Variants in ZCCHC24 observed in about 807,000 individuals in gnomAD.
ZCCHC24 encodes the protein zinc finger CCHC domain-containing protein 24.
In ZCCHC24, 10 loss-of-function variants were observed where a neutral mutation model predicts 26.2. The ratio of observed to expected loss-of-function variants is 0.38; its 90% CI spans 0.24 to 0.65. The LOEUF is 0.65. Ranked by LOEUF, ZCCHC24 falls within the 30% of genes least tolerant of loss-of-function variation. The pLI is 0.54. For missense variants in ZCCHC24, 243 were observed against 329.1 expected (o/e 0.74, Z 2.03); for synonymous variants, 144 against 147.1 (o/e 0.98, Z 0.15).
At chr10:79,439,792 C>CAAA (rs3997794) in intron 1 of ZCCHC24, among the ~76,000 whole-genome samples, 2,868 of 116,100 alleles carry the variant, frequency 0.025, 145 homozygotes, top group African/African-American at 0.085. Flanking sequence ...CAGACTCCAT[C>CAAA]AAAAAAAAAA....
rs1251450593 is a variant in ZCCHC24 at position 79,382,981 on chromosome 10, C to T, written c.*3364G>A. On this transcript the variant is annotated 3_prime_UTR_variant, in exon 4 of 4. Coordinates refer to ENST00000372336, the MANE Select transcript of ZCCHC24 (RefSeq NM_153367.4). ...AAATAAGCTGCTTCTTCCCCTTGCCCACTCCCTGTCCCTCTACAAAATTAA... is the reference window on the plus strand; with the variant it reads ...AAATAAGCTGCTTCTTCCCCTTGCCTACTCCCTGTCCCTCTACAAAATTAA... The T allele has an allele frequency of 6.6e-6, 1 of 152,596 alleles. No individual in the cohort carries two copies. Among genetic ancestry groups the T allele is most frequent in the South Asian group, 2.1e-4 (1 of 4,832 alleles). 9.5% of individuals were successfully genotyped at this position (152,596 alleles called of 1,614,324 possible).
At chr10:79,437,348 C>T (rs1857229549) in intron 1 of ZCCHC24, among the ~76,000 whole-genome samples, 2 of 152,192 alleles carry the variant, frequency 1.3e-5, no homozygotes, top group South Asian at 2.1e-4. Flanking sequence ...TCACCGTGCT[C>T]GGCCTGTGGT....
chr10:79,407,560 G>A (rs1023172858), intron 2 of ZCCHC24, among the ~76,000 whole-genome samples: 2 of 152,110 alleles, frequency 1.3e-5, no homozygotes, highest in Non-Finnish European at 2.9e-5. Context: ...TCAAATGCCT[G>A]GGCGGTGCAG....
At chr10:79,407,922 G>A (rs1856741221) in intron 2 of ZCCHC24, among the ~76,000 whole-genome samples, 1 of 152,170 alleles carries the variant, frequency 6.6e-6, no homozygotes, top group African/African-American at 2.4e-5. Flanking sequence ...GGGGAGGGCT[G>A]GCCTGGCTCT....
intron 2 of ZCCHC24, among the ~76,000 whole-genome samples, chr10:79,431,498 C>G (rs1005495492): frequency 1.3e-5 from 2 of 152,204 alleles, no homozygotes; most frequent in East Asian, 3.8e-4. Flanking sequence ...GCTCTGAGAG[C>G]CTGCAATTGT....
At chr10:79,405,485 T>C (rs1856698772) in intron 2 of ZCCHC24, among the ~76,000 whole-genome samples, 1 of 152,156 alleles carries the variant, frequency 6.6e-6, no homozygotes, top group South Asian at 2.1e-4. Flanking sequence ...CCAGGGCTGA[T>C]CATGGCGTGG....
At chr10:79,389,529 A>AGTGTGT (rs5786399) in intron 3 of ZCCHC24, among the ~76,000 whole-genome samples, 6,863 of 146,246 alleles carry the variant, frequency 0.047, 187 homozygotes, top group East Asian at 0.095. Context: ...ACTTTTTCCT[A>AGTGTGT]GTGTGTGTGT....
chr10:79,413,174 C>T (rs1856814168), intron 2 of ZCCHC24, among the ~76,000 whole-genome samples: 1 of 152,246 alleles, frequency 6.6e-6, no homozygotes. Context: ...TGCCCCTCCC[C>T]TCCCAGCATG....
At position 79,445,158 on chromosome 10, in the gene ZCCHC24, G is replaced by GGTGGGGCT. The variant is rs1470059314; in HGVS notation, c.246+36_246+37insAGCCCCAC. 2.3e-5 allele frequency: 29 copies of GGTGGGGCT among 1,268,600 alleles called. No homozygotes were observed. In the African/African-American group the frequency reaches 3.7e-4, roughly 16 times the overall value. 78.6% of individuals were successfully genotyped at this position (1,268,600 alleles called of 1,614,324 possible). On this transcript the variant is annotated intron_variant, in intron 1 of 3. Coordinates refer to ENST00000372336, the MANE Select transcript of ZCCHC24 (RefSeq NM_153367.4). Reference sequence around the variant, plus strand: ...GCCCGCCACGGTGGGGCGGTGGGGCGGTGGGGCGGTGGGCGGGGGCGCGCG... The same window carrying GGTGGGGCT: ...GCCCGCCACGGTGGGGCGGTGGGGCGGTGGGGCTGTGGGGCGGTGGGCGGGGGCGCGCG...
chr10:79,426,028 C>T (rs1042927960), intron 2 of ZCCHC24, among the ~76,000 whole-genome samples: 2 of 152,202 alleles, frequency 1.3e-5, no homozygotes, highest in Non-Finnish European at 2.9e-5. Context: ...AGCACCTTCT[C>T]CCTCTGTTTT....
intron 2 of ZCCHC24, among the ~76,000 whole-genome samples, chr10:79,416,961 T>A (rs1358958473): frequency 6.6e-6 from 1 of 152,152 alleles, no homozygotes; most frequent in Non-Finnish European, 1.5e-5. Flanking sequence ...GGGGCCCTGC[T>A]CAGAGTGGGC....
chr10:79,443,652 C>T lies in ZCCHC24; in HGVS notation c.246+1543G>A, dbSNP rs563604495. Among the ~76,000 whole-genome samples the T allele has an allele frequency of 4.6e-5, 7 of 152,338 alleles. No homozygotes were observed. In the East Asian group the frequency reaches 5.8e-4, roughly 13 times the overall value. On this transcript the variant is annotated intron_variant, in intron 1 of 3. Transcript: ENST00000372336. ...GTAAGAGAACAAACAACTGAAAAGA[C>T]GCATGCACCAAAGAAACACCCCACA...
intron 2 of ZCCHC24, among the ~76,000 whole-genome samples, chr10:79,415,610 G>A (rs953580774): frequency 3.9e-5 from 6 of 152,154 alleles, no homozygotes; most frequent in African/African-American, 1.4e-4. Context: ...CTGAGCCCAG[G>A]CTGAGGGTAC....
intron 2 of ZCCHC24, among the ~76,000 whole-genome samples, chr10:79,411,899 C>G (rs1654974511): frequency 6.6e-6 from 1 of 152,194 alleles, no homozygotes; most frequent in South Asian, 2.1e-4. Flanking sequence ...GGCAGGACCC[C>G]CAGCAAGTCC....
intron 1 of ZCCHC24, among the ~76,000 whole-genome samples, chr10:79,436,752 C>T (rs1015566104): frequency 6.6e-6 from 1 of 152,200 alleles, no homozygotes; most frequent in Admixed American, 6.5e-5. Flanking sequence ...TTCCATGGGC[C>T]GAGTGGAGGG....
At chr10:79,439,501 C>T (rs1025764670) in intron 1 of ZCCHC24, among the ~76,000 whole-genome samples, 1 of 152,168 alleles carries the variant, frequency 6.6e-6, no homozygotes, top group East Asian at 1.9e-4. Flanking sequence ...ATGTCCTGCA[C>T]GCTAAGAACC....
At chr10:79,398,678 G>A (rs1214090804) in intron 2 of ZCCHC24, among the ~76,000 whole-genome samples, 1 of 152,202 alleles carries the variant, frequency 6.6e-6, no homozygotes, top group Non-Finnish European at 1.5e-5. Context: ...TCTCATGGAA[G>A]GACCACGCTG....
chr10:79,388,543 G>A (rs1197736653), intron 3 of ZCCHC24, among the ~76,000 whole-genome samples: 1 of 152,112 alleles, frequency 6.6e-6, no homozygotes, highest in Non-Finnish European at 1.5e-5. Context: ...ACTCTGCTTG[G>A]CTCCCAAAGG....
chr10:79,420,722 G>C (rs915180558), intron 2 of ZCCHC24, among the ~76,000 whole-genome samples: 47 of 152,104 alleles, frequency 3.1e-4, no homozygotes, highest in African/African-American at 1.0e-3. Flanking sequence ...GCAGTGAGCT[G>C]AGATCATGCC....
Sources: gnomAD v4.1 joint callset for allele counts (sites outside exome capture counted in the v4.1 genomes callset) on GRCh38, gnomAD v4.1.1 for gene constraint, MANE v1.5 for transcripts, NCBI Gene and HGNC (gene_info 2026-07-23, HGNC 2026-07-21) for gene names.